RBMS3: variants seen among roughly 807,000 people sequenced by gnomAD.
The protein encoded by RBMS3 is RNA binding motif single stranded interacting protein 3, also known as RNA-binding motif, single-stranded-interacting protein 3.
Under a neutral mutation model 66.8 loss-of-function variants are expected in RBMS3, and 27 were observed. That is an observed-to-expected ratio of 0.40 (90% confidence interval 0.30 to 0.56). RBMS3 has a LOEUF of 0.56. Among genes scored for constraint, RBMS3 ranks in the 20% least tolerant of loss-of-function variants. The pLI is 0.40. For synonymous variants in RBMS3, 188 were observed against 183.0 expected (o/e 1.03, Z -0.22); for missense variants, 513 against 549.5 (o/e 0.93, Z 0.66).
At chr3:29,328,601 A>C (rs987685926) in intron 1 of RBMS3, among the ~76,000 whole-genome samples, 1 of 152,184 alleles carries the variant, frequency 6.6e-6, no homozygotes, top group Non-Finnish European at 1.5e-5. Flanking sequence ...TAATGTTGCT[A>C]GTCTTTTCAT....
intron 10 of RBMS3, among the ~76,000 whole-genome samples, chr3:29,916,967 T>C (rs184918953): frequency 2.3e-4 from 35 of 152,128 alleles, no homozygotes; most frequent in Admixed American, 2.2e-3. Context: ...GTTCATATTA[T>C]TTGCCAGTGT....
intron 2 of RBMS3, among the ~76,000 whole-genome samples, chr3:29,446,972 G>A (rs542697167): frequency 1.5e-5 from 2 of 134,818 alleles, no homozygotes; most frequent in Non-Finnish European, 3.1e-5. Flanking sequence ...TGGAGTTCGT[G>A]GTGCCATCTT....
At chr3:29,621,785 G>GA (rs907717315) in intron 4 of RBMS3, among the ~76,000 whole-genome samples, 15 of 148,874 alleles carry the variant, frequency 1.0e-4, no homozygotes, top group African/African-American at 9.9e-5. Flanking sequence ...AAGGATGAAA[G>GA]AAAAAAAAAG....
intron 8 of RBMS3, among the ~76,000 whole-genome samples, chr3:29,893,054 G>C (rs959647545): frequency 2.0e-5 from 3 of 151,088 alleles, no homozygotes; most frequent in Non-Finnish European, 4.4e-5. Flanking sequence ...GTTTAAGCAG[G>C]GGTTTCCTGT....
intron 4 of RBMS3, among the ~76,000 whole-genome samples, chr3:29,615,573 A>G (rs1158737361): frequency 6.6e-6 from 1 of 152,166 alleles, no homozygotes; most frequent in African/African-American, 2.4e-5. Context: ...TCATAAATAA[A>G]ATACAATAAA....
rs9824713 is a variant in RBMS3, at chr3:29,612,554, T to C, written c.399+25349T>C. Among the ~76,000 whole-genome samples, 794 of 152,192 alleles carry C rather than the reference T, an allele frequency of 5.2e-3. 2 individuals are homozygous for C. The highest frequency in any genetic ancestry group is 0.018 in the African/African-American group (746 of 41,546). On this transcript the variant is annotated intron_variant, in intron 4 of 14. Transcript: ENST00000383767. The stretch of plus-strand genomic sequence containing the variant: ...TCTAAGGGAATATGCCTTTACATTA[T>C]TGGTGGTTAATGACAAACATTCTAC...
intron 4 of RBMS3, among the ~76,000 whole-genome samples, chr3:29,665,223 A>G (rs936281411): frequency 7.2e-5 from 11 of 152,218 alleles, no homozygotes; most frequent in African/African-American, 2.7e-4. Flanking sequence ...ACTCTTCCTT[A>G]CTAATTTTAC....
At chr3:29,590,495 T>A (rs1459171139) in intron 4 of RBMS3, among the ~76,000 whole-genome samples, 4 of 152,098 alleles carry the variant, frequency 2.6e-5, no homozygotes, top group Admixed American at 6.6e-5. Context: ...ATAAGTAGCA[T>A]CAGTCAGCAA....
intron 10 of RBMS3, among the ~76,000 whole-genome samples, chr3:29,903,983 T>A (rs1047761397): frequency 2.0e-5 from 3 of 151,984 alleles, no homozygotes; most frequent in Non-Finnish European, 4.4e-5. Context: ...CTTAATTTGG[T>A]CATTCTTTGC....
chr3:29,350,280 T>A (rs2036834037), intron 1 of RBMS3, among the ~76,000 whole-genome samples: 1 of 152,178 alleles, frequency 6.6e-6, no homozygotes, highest in African/African-American at 2.4e-5. Context: ...TCCTGCTAGT[T>A]AGCATGGTTC....
chr3:29,686,581 A>G (rs7623205), intron 4 of RBMS3, among the ~76,000 whole-genome samples: 88,571 of 152,024 alleles, frequency 0.58, 25,966 homozygotes, highest in African/African-American at 0.64. Context: ...GCTACTAGAG[A>G]CGCTGAAGCC....
At chr3:29,999,352 T>G (rs1391861302) in intron 14 of RBMS3, among the ~76,000 whole-genome samples, 1 of 152,240 alleles carries the variant, frequency 6.6e-6, no homozygotes, top group East Asian at 1.9e-4. Flanking sequence ...GAAGTCAGTG[T>G]GGTGATTCCT....
At chr3:29,710,127 G>A (rs575750949) in intron 4 of RBMS3, among the ~76,000 whole-genome samples, 15 of 152,206 alleles carry the variant, frequency 9.9e-5, no homozygotes, top group African/African-American at 2.6e-4. Context: ...AGAAGAAACC[G>A]TTTAGGCTAT....
chr3:29,701,358 A>C (rs927888261), intron 4 of RBMS3, among the ~76,000 whole-genome samples: 9 of 152,202 alleles, frequency 5.9e-5, no homozygotes, highest in African/African-American at 1.9e-4. Context: ...AGAATGTAAG[A>C]GCTCACTCAC....
At chr3:29,885,763 A>G (rs1172701040) in intron 8 of RBMS3, among the ~76,000 whole-genome samples, 1 of 151,882 alleles carries the variant, frequency 6.6e-6, no homozygotes, top group Non-Finnish European at 1.5e-5. Flanking sequence ...TAATATATAC[A>G]TATGTATCTA....
Position 30,009,119 on chromosome 3 carries a change from G to C in RBMS3, c.*5257G>C, listed in dbSNP as rs917656733. 6.6e-6 allele frequency: 1 copy of C among 152,116 alleles called. No individual in the cohort carries two copies. Among genetic ancestry groups the C allele is most frequent in the African/African-American group, 2.4e-5 (1 of 41,430 alleles). 9.4% of individuals were successfully genotyped at this position (152,116 alleles called of 1,614,324 possible). A position where few individuals can be genotyped will look rare whatever the true frequency, so the allele number is the denominator to read the frequency against. ...TAGAGGTGCAGTCAAGCTTGGATCT[G>C]CAGGAAGAACCACTAGGCCACTGAG... On this transcript the variant is annotated 3_prime_UTR_variant, in exon 15 of 15. Coordinates refer to ENST00000383767, the MANE Select transcript of RBMS3 (RefSeq NM_001003793.3).
intron 4 of RBMS3, among the ~76,000 whole-genome samples, chr3:29,648,261 C>CTTTTTTTTTTTTTTTTTTTT (rs1576434694): frequency 1.1e-5 from 1 of 88,144 alleles, no homozygotes; most frequent in Non-Finnish European, 2.2e-5. Flanking sequence ...TAGAAAATGT[C>CTTTTTTTTTTTTTTTTTTTT]TATTTTTTTT....
At chr3:29,379,541 C>T (rs6549933) in intron 1 of RBMS3, among the ~76,000 whole-genome samples, 19,902 of 152,052 alleles carry the variant, frequency 0.13, 2,246 homozygotes, top group African/African-American at 0.3. Context: ...TCTCACATGG[C>T]GGCAGTGCAG....
chr3:29,851,863 G>A (rs1366638728), intron 6 of RBMS3, among the ~76,000 whole-genome samples: 4 of 152,048 alleles, frequency 2.6e-5, no homozygotes. Flanking sequence ...AAAAGAACAC[G>A]AATAGCCAAG....
Sources: gnomAD v4.1 joint callset for allele counts (sites outside exome capture counted in the v4.1 genomes callset) on GRCh38, gnomAD v4.1.1 for gene constraint, MANE v1.5 for transcripts, NCBI Gene and HGNC (gene_info 2026-07-23, HGNC 2026-07-21) for gene names.